Variants in C2orf76 observed in about 807,000 individuals in gnomAD.
C2orf76 encodes the protein UPF0538 protein C2orf76.
A neutral mutation model predicts 16.9 loss-of-function variants in C2orf76; 23 were observed. The ratio of observed to expected loss-of-function variants is 1.36; its 90% CI spans 0.98 to 1.93. The LOEUF (loss-of-function observed/expected upper bound fraction) is 1.93. Ranked by LOEUF, C2orf76 falls within the 30% of genes most tolerant of loss-of-function variation. The pLI, the probability that C2orf76 is intolerant of heterozygous loss-of-function variation, is 0.00. For missense variants in C2orf76, 152 were observed against 152.6 expected (o/e 1.00, Z 0.02); for synonymous variants, 48 against 52.3 (o/e 0.92, Z 0.35).
chr2:119,339,527 T>C (rs1573661869), intron 2 of C2orf76, among the ~76,000 whole-genome samples: 1 of 147,344 alleles, frequency 6.8e-6, no homozygotes, highest in Non-Finnish European at 1.5e-5. Context: ...CTAATCAACC[T>C]CCAAATACAT....
intron 2 of C2orf76, among the ~76,000 whole-genome samples, chr2:119,335,614 C>T (rs888162855): frequency 2.0e-5 from 3 of 152,110 alleles, no homozygotes; most frequent in African/African-American, 7.2e-5. Context: ...GCATAACTCC[C>T]GAGTGTTTAA....
chr2:119,318,182 C>T (rs1270267322), intron 3 of C2orf76, among the ~76,000 whole-genome samples: 4 of 152,180 alleles, frequency 2.6e-5, no homozygotes, highest in Non-Finnish European at 2.9e-5. Context: ...GGGTAAAATT[C>T]GAACTCAGCA....
At chr2:119,363,355 C>T (rs1680813133) in intron 1 of C2orf76, among the ~76,000 whole-genome samples, 1 of 149,330 alleles carries the variant, frequency 6.7e-6, no homozygotes, top group Non-Finnish European at 1.5e-5. Context: ...ACCCGGGAGG[C>T]GGAGCTTGCA....
chr2:119,312,770 G>A (rs903939488), intron 4 of C2orf76, among the ~76,000 whole-genome samples: 13 of 152,150 alleles, frequency 8.5e-5, no homozygotes, highest in African/African-American at 2.9e-4. Context: ...GCTCATGCCT[G>A]TAATCCCAGC....
chr2:119,324,276 C>A (rs1351991091), intron 2 of C2orf76, among the ~76,000 whole-genome samples: 1 of 152,180 alleles, frequency 6.6e-6, no homozygotes, highest in African/African-American at 2.4e-5. Context: ...ACAGCGAGCA[C>A]CTATTCTCTT....
intron 2 of C2orf76, among the ~76,000 whole-genome samples, chr2:119,339,576 A>T (rs1170580514): frequency 1.1e-4 from 5 of 45,674 alleles, no homozygotes; most frequent in Admixed American, 3.6e-4. Flanking sequence ...ACTTTTAATT[A>T]AAAAAAAAAA....
chr2:119,294,431 G>A, the C2orf76 span, among the ~76,000 whole-genome samples: 3 of 152,166 alleles, frequency 2.0e-5, no homozygotes, highest in Non-Finnish European at 4.4e-5. Flanking sequence ...GGGTTCGGAA[G>A]GGAGAGCTGT....
the C2orf76 span, among the ~76,000 whole-genome samples, chr2:119,294,480 G>A: frequency 6.6e-6 from 1 of 152,168 alleles, no homozygotes; most frequent in Non-Finnish European, 1.5e-5. Context: ...TGGTGTGGAA[G>A]AGGGAGGACA....
chr2:119,329,057 C>T (rs1446860257), intron 2 of C2orf76, among the ~76,000 whole-genome samples: 1 of 152,132 alleles, frequency 6.6e-6, no homozygotes, highest in Non-Finnish European at 1.5e-5. Flanking sequence ...GTGTAAATTC[C>T]ACTATTGTTG....
chr2:119,329,522 G>T (rs1679607898), intron 2 of C2orf76, among the ~76,000 whole-genome samples: 1 of 152,062 alleles, frequency 6.6e-6, no homozygotes, highest in Non-Finnish European at 1.5e-5. Context: ...GTTAAAGTTT[G>T]CTATTCTTTT....
rs572726193 is a variant in C2orf76, at chr2:119,356,612, A to G, written c.-13+10178T>C. Among the ~76,000 whole-genome samples the G allele has an allele frequency of 3.9e-5, 6 of 152,044 alleles. No homozygotes were observed. In the South Asian group the frequency reaches 1.2e-3, roughly 32 times the overall value. On this transcript the variant is annotated intron_variant, in intron 1 of 5. Transcript: ENST00000334816. ...AAGAACCTAGAAAATCAAGAGCAAA[A>G]CAAACCCAAAGCAAGCAGAAGGAAA...
chr2:119,360,958 T>C (rs934786141), intron 1 of C2orf76, among the ~76,000 whole-genome samples: 3 of 152,174 alleles, frequency 2.0e-5, no homozygotes, highest in Non-Finnish European at 4.4e-5. Flanking sequence ...AAGAAAGTTG[T>C]GGTTGCCAGG....
chr2:119,312,400 C>A (rs551680691), intron 4 of C2orf76, among the ~76,000 whole-genome samples: 5 of 152,082 alleles, frequency 3.3e-5, no homozygotes. Flanking sequence ...ATACATGTGC[C>A]GCCAAGCCTG....
At chr2:119,347,242 G>T (rs1463338730) in intron 1 of C2orf76, among the ~76,000 whole-genome samples, 5 of 152,136 alleles carry the variant, frequency 3.3e-5, no homozygotes, top group African/African-American at 1.2e-4. Context: ...GAGGCCATCA[G>T]CCAAGTTCAG....
At chr2:119,366,867 G>T (rs946154930), upstream of C2orf76, 8 of 761,886 alleles carry the variant, frequency 1.1e-5, no homozygotes, top group Non-Finnish European at 1.5e-5. Flanking sequence ...GGCTAGCGCC[G>T]CGGCGGGGGC....
intron 4 of C2orf76, among the ~76,000 whole-genome samples, chr2:119,315,181 T>C (rs750215728): frequency 4.6e-5 from 7 of 151,656 alleles, no homozygotes; most frequent in Non-Finnish European, 1.0e-4. Flanking sequence ...CCATCCATAA[T>C]ACACACACAC....
At chr2:119,314,936 G>C (rs990042673) in intron 4 of C2orf76, among the ~76,000 whole-genome samples, 2 of 152,138 alleles carry the variant, frequency 1.3e-5, no homozygotes, top group Admixed American at 6.5e-5. Context: ...CTTGAGAGGA[G>C]TTCACTTTAA....
rs751798138 is a variant in C2orf76 at position 119,341,578 on chromosome 2, TCTAA to T, written c.-12-1611_-12-1608del. Among the ~76,000 whole-genome samples, 26 of 152,328 alleles carry T rather than the reference TCTAA, an allele frequency of 1.7e-4. No individual in the cohort carries two copies. The South Asian group carries it at 5.0e-3, about 29-fold the overall frequency. On this transcript the variant is annotated intron_variant, in intron 1 of 5. Transcript: ENST00000334816. ...ATTTATCTATGTTGAAAGATGTAAC[TCTAA>T]CTCTCACATTCACTTTCTGAAGTAT...
chr2:119,299,219 C>T (rs1678581095), downstream of C2orf76, among the ~76,000 whole-genome samples: 1 of 152,184 alleles, frequency 6.6e-6, no homozygotes, highest in Non-Finnish European at 1.5e-5. Context: ...CACCCAGCCG[C>T]AGCCTCTTAT....
Sources: gnomAD v4.1 joint callset for allele counts (sites outside exome capture counted in the v4.1 genomes callset) on GRCh38, gnomAD v4.1.1 for gene constraint, MANE v1.5 for transcripts, NCBI Gene and HGNC (gene_info 2026-07-23, HGNC 2026-07-21) for gene names.